PTPRD: variants seen among roughly 807,000 people sequenced by gnomAD.
PTPRD encodes receptor-type tyrosine-protein phosphatase delta.
In PTPRD, 34 loss-of-function variants were observed where a neutral mutation model predicts 214.5. The ratio of observed to expected loss-of-function variants is 0.16; its 90% CI spans 0.12 to 0.21. The LOEUF (loss-of-function observed/expected upper bound fraction) is 0.21, where lower values mean the gene tolerates loss of function less well. PTPRD is among the 10% of genes least tolerant of loss of function. The probability of loss-of-function intolerance (pLI) is 1.00; values close to 1 mark genes in which losing one functional copy is unlikely to be tolerated. For synonymous variants in PTPRD, 1,128 were observed against 845.7 expected (o/e 1.33, Z -5.79); for missense variants, 2,545 against 2,398.7 (o/e 1.06, Z -1.27).
chr9:8,886,268 G>T (rs978539359), intron 11 of PTPRD, among the ~76,000 whole-genome samples: 1 of 152,086 alleles, frequency 6.6e-6, no homozygotes, highest in Non-Finnish European at 1.5e-5. Context: ...CACATGAAAA[G>T]ATATGCTTAA....
chr9:8,382,989 C>A (rs917210468), intron 37 of PTPRD, among the ~76,000 whole-genome samples: 1 of 152,168 alleles, frequency 6.6e-6, no homozygotes, highest in Non-Finnish European at 1.5e-5. Context: ...ACCAGAAGGG[C>A]CAAGAATTAG....
chr9:9,714,085 T>G (rs1326422794), intron 7 of PTPRD, among the ~76,000 whole-genome samples: 1 of 98,324 alleles, frequency 1.0e-5, no homozygotes, highest in Non-Finnish European at 2.0e-5. Context: ...GTTGTTCACT[T>G]GCGCAAAAAA....
At chr9:8,792,729 G>A (rs984184448) in intron 11 of PTPRD, among the ~76,000 whole-genome samples, 17 of 151,990 alleles carry the variant, frequency 1.1e-4, no homozygotes, top group Non-Finnish European at 1.9e-4. Context: ...AGAAGAAGAC[G>A]CAAAAGCCTC....
At chr9:8,924,679 T>C (rs2098855598) in intron 11 of PTPRD, among the ~76,000 whole-genome samples, 1 of 152,062 alleles carries the variant, frequency 6.6e-6, no homozygotes, top group African/African-American at 2.4e-5. Flanking sequence ...GAACTGATCT[T>C]GTCTGTAGAA....
chr9:9,635,796 G>A (rs1319623339), intron 7 of PTPRD, among the ~76,000 whole-genome samples: 1 of 152,020 alleles, frequency 6.6e-6, no homozygotes, highest in Admixed American at 6.6e-5. Flanking sequence ...CTCAAATCTT[G>A]TCAAGTTTTC....
chr9:8,508,409 C>G (rs113119150), intron 21 of PTPRD, among the ~76,000 whole-genome samples: 88 of 152,292 alleles, frequency 5.8e-4, no homozygotes, highest in African/African-American at 2.1e-3. Context: ...CACATCTAAT[C>G]GTACATTGTT....
chr9:9,459,924 A>ACAT (rs1440330570), intron 8 of PTPRD, among the ~76,000 whole-genome samples: 1 of 152,128 alleles, frequency 6.6e-6, no homozygotes, highest in African/African-American at 2.4e-5. Flanking sequence ...CAGAGGCATC[A>ACAT]CATTACCTGA....
intron 10 of PTPRD, among the ~76,000 whole-genome samples, chr9:9,116,551 C>A (rs1381278021): frequency 1.3e-5 from 2 of 152,000 alleles, no homozygotes; most frequent in Non-Finnish European, 2.9e-5. Context: ...CACTAAAAGC[C>A]CAGACTTCAC....
At chr9:9,374,036 T>C (rs1418697040) in intron 9 of PTPRD, among the ~76,000 whole-genome samples, 4 of 151,994 alleles carry the variant, frequency 2.6e-5, no homozygotes, top group African/African-American at 7.2e-5. Context: ...AATTAACACA[T>C]CTACTAGATG....
Position 9,035,502 on chromosome 9 carries a change from G to A in PTPRD, c.-142-16767C>T, listed in dbSNP as rs573439441. Among the ~76,000 whole-genome samples the A allele has an allele frequency of 2.0e-3, 310 of 151,968 alleles. 2 individuals carry two copies. Among genetic ancestry groups the A allele is most frequent in the African/African-American group, 6.8e-3 (283 of 41,468 alleles). ...GAAGGCAGGAGCCTAACATCAGCTT[G>A]CGCCATGCTCCAAGTTATAAACCTC... is the stretch of plus-strand genomic sequence containing the variant. On this transcript the variant is annotated intron_variant, in intron 10 of 45. Transcript: ENST00000381196.
intron 11 of PTPRD, among the ~76,000 whole-genome samples, chr9:8,819,479 T>C (rs771373000): frequency 1.3e-5 from 2 of 152,114 alleles, no homozygotes; most frequent in Non-Finnish European, 2.9e-5. Flanking sequence ...CTGGCCAACA[T>C]GGCGAAACCC....
At chr9:9,859,087 C>T (rs1034359161) in intron 5 of PTPRD, among the ~76,000 whole-genome samples, 2 of 152,054 alleles carry the variant, frequency 1.3e-5, no homozygotes, top group African/African-American at 2.4e-5. Flanking sequence ...CAAAAAAGGG[C>T]TGATGATTTT....
intron 7 of PTPRD, among the ~76,000 whole-genome samples, chr9:9,696,955 C>T (rs1371065669): frequency 6.6e-6 from 1 of 151,986 alleles, no homozygotes; most frequent in Non-Finnish European, 1.5e-5. Context: ...TTAGTGTATT[C>T]ATTACATGTG....
chr9:8,637,596 T>TC (rs2096473405), intron 12 of PTPRD, among the ~76,000 whole-genome samples: 2 of 152,212 alleles, frequency 1.3e-5, no homozygotes, highest in Non-Finnish European at 2.9e-5. Flanking sequence ...CTAACATTCT[T>TC]CCTCCTTCTT....
At chr9:8,354,016 T>C (rs1323613189) in intron 39 of PTPRD, among the ~76,000 whole-genome samples, 1 of 146,216 alleles carries the variant, frequency 6.8e-6, no homozygotes, top group Non-Finnish European at 1.5e-5. Flanking sequence ...TGGAGTGCAG[T>C]GGTGCGATCT....
intron 28 of PTPRD, 158 bp from the exon 29 acceptor site, chr9:8,485,482 C>T (rs2096980696): frequency 1.6e-6 from 1 of 624,316 alleles, no homozygotes; most frequent in Non-Finnish European, 2.8e-6. Flanking sequence ...ATTTTAATAC[C>T]CCATTCTCAC....
intron 6 of PTPRD, among the ~76,000 whole-genome samples, chr9:9,760,191 C>T (rs980057398): frequency 4.6e-5 from 7 of 152,068 alleles, no homozygotes; most frequent in East Asian, 1.9e-4. Context: ...CCTGTCTCCC[C>T]GGGTCTATGC....
chr9:10,343,407 T>A (rs2096984197), intron 2 of PTPRD, among the ~76,000 whole-genome samples: 1 of 152,178 alleles, frequency 6.6e-6, no homozygotes, highest in Non-Finnish European at 1.5e-5. Flanking sequence ...TTCCAAGTCT[T>A]TGCTGTTGTG....
chr9:10,284,562 A>G (rs1338255683), intron 3 of PTPRD, among the ~76,000 whole-genome samples: 3 of 151,992 alleles, frequency 2.0e-5, no homozygotes, highest in Admixed American at 2.0e-4. Context: ...GCAGCTTAAA[A>G]TAATACTATG....
Sources: gnomAD v4.1 joint callset for allele counts (sites outside exome capture counted in the v4.1 genomes callset) on GRCh38, gnomAD v4.1.1 for gene constraint, MANE v1.5 for transcripts, NCBI Gene and HGNC (gene_info 2026-07-23, HGNC 2026-07-21) for gene names.